The following PARVB variants were observed in gnomAD, a reference collection of about 807,000 sequenced individuals.
PARVB encodes the protein beta-parvin.
A neutral mutation model predicts 47.0 loss-of-function variants in PARVB; 46 were observed. The observed-to-expected ratio is 0.98, with a 90% confidence interval of 0.77 to 1.25. PARVB has a LOEUF of 1.25. Among genes scored for constraint, PARVB ranks in the 50% most tolerant of loss-of-function variants. The pLI is 0.00. For synonymous variants in PARVB, 196 were observed against 196.3 expected (o/e 1.00, Z 0.01); for missense variants, 473 against 471.6 (o/e 1.00, Z -0.03).
chr22:44,029,607 C>G (rs1355077817), intron 1 of PARVB, among the ~76,000 whole-genome samples: 1 of 151,918 alleles, frequency 6.6e-6, no homozygotes, highest in Non-Finnish European at 1.5e-5. Context: ...GAAACCCGGT[C>G]TCTACTAAAA....
intron 1 of PARVB, among the ~76,000 whole-genome samples, chr22:44,043,488 C>T (rs2146922572): frequency 6.6e-6 from 1 of 152,226 alleles, no homozygotes; most frequent in Non-Finnish European, 1.5e-5. Context: ...ACGCCATTCT[C>T]CTCCTTGGCC....
intron 1 of PARVB, chr22:44,069,057 G>A (rs1201032051): frequency 1.2e-5 from 18 of 1,521,088 alleles, no homozygotes; most frequent in Middle Eastern, 4.5e-4. Flanking sequence ...TCATAGTGGC[G>A]CCCCTGCCAC....
At chr22:44,121,614 T>G (rs2053049689) in intron 4 of PARVB, among the ~76,000 whole-genome samples, 1 of 152,124 alleles carries the variant, frequency 6.6e-6, no homozygotes, top group Admixed American at 6.5e-5. Flanking sequence ...TGATGAATTA[T>G]TTTATGTTCA....
At chr22:44,095,179 G>C (rs1425356134) in intron 2 of PARVB, among the ~76,000 whole-genome samples, 1 of 152,086 alleles carries the variant, frequency 6.6e-6, no homozygotes, top group African/African-American at 2.4e-5. Context: ...AATCTCTCCA[G>C]AGTCAGCAAG....
chr22:44,069,811 G>A lies in PARVB; in HGVS notation c.113-24117G>A, dbSNP rs1042131749. Among the ~76,000 whole-genome samples, 5 of 152,104 alleles carry A rather than the reference G, an allele frequency of 3.3e-5. No homozygotes were observed. The South Asian group carries it at 8.3e-4, about 25-fold the overall frequency. On this transcript the variant is annotated intron_variant, in intron 1 of 12. Transcript: ENST00000338758. ...CCCAAAATGCTGGGATTACAGGCAT[G>A]AGCCACCGCGCCCGGCCATGGGTTT...
intron 8 of PARVB, chr22:44,147,267 T>C: frequency 4.8e-6 from 1 of 208,600 alleles, no homozygotes; most frequent in Non-Finnish European, 1.0e-5. Flanking sequence ...ATTCTAAGCA[T>C]GATAAGAAGC....
chr22:44,161,275 A>G (rs1327298894), intron 11 of PARVB, among the ~76,000 whole-genome samples: 1 of 148,494 alleles, frequency 6.7e-6, no homozygotes, highest in Non-Finnish European at 1.5e-5. Context: ...TCCTGGTTCC[A>G]TGCCTGTGAG....
At chr22:44,021,065 G>A (rs2050641865), upstream of PARVB, among the ~76,000 whole-genome samples, 1 of 152,180 alleles carries the variant, frequency 6.6e-6, no homozygotes, top group Non-Finnish European at 1.5e-5. Flanking sequence ...TTATAGACGT[G>A]AGCCACCACG....
chr22:44,055,678 C>CTCTCTCTCTCTCTATATATATATATATA (rs1438284048), intron 1 of PARVB, among the ~76,000 whole-genome samples: 1 of 142,680 alleles, frequency 7.0e-6, no homozygotes, highest in African/African-American at 2.6e-5. Context: ...CTCTCTCTCT[C>CTCTCTCTCTCTCTATATATATATATATA]TATATATATA....
At chr22:44,167,701 GTCCCCAA>G (rs2054198950) in intron 12 of PARVB, among the ~76,000 whole-genome samples, 1 of 59,168 alleles carries the variant, frequency 1.7e-5, no homozygotes, top group Non-Finnish European at 4.1e-5. Context: ...CCCCGGGTGT[GTCCCCAA>G]GCCCGCCGAG....
chr22:44,117,753 G>A (rs1043915931), intron 3 of PARVB, among the ~76,000 whole-genome samples: 19 of 152,180 alleles, frequency 1.2e-4, no homozygotes, highest in Admixed American at 9.8e-4. Context: ...GGTATATTCT[G>A]GACTTGTGCC....
chr22:44,136,693 C>T (rs1020738594), intron 7 of PARVB, among the ~76,000 whole-genome samples, 175 bp downstream of exon 7: 3 of 152,234 alleles, frequency 2.0e-5, no homozygotes, highest in Non-Finnish European at 4.4e-5. Context: ...TCCCTCTGCA[C>T]ACTTTCTTCA....
intron 1 of PARVB, among the ~76,000 whole-genome samples, chr22:44,058,021 G>T (rs558991065): frequency 6.6e-6 from 1 of 152,110 alleles, no homozygotes; most frequent in African/African-American, 2.4e-5. Context: ...CCTGAACCTC[G>T]GTTGCCTCCC....
chr22:44,119,986 A>G (rs576158521), intron 4 of PARVB: 102 of 416,940 alleles, frequency 2.4e-4, no homozygotes, highest in African/African-American at 1.9e-3. Context: ...GTGGGTTCTC[A>G]CGATGCCTGG....
At chr22:44,079,462 G>T (rs367647378) in intron 1 of PARVB, among the ~76,000 whole-genome samples, 1 of 152,154 alleles carries the variant, frequency 6.6e-6, no homozygotes, top group Non-Finnish European at 1.5e-5. Flanking sequence ...GTCTGAAAAC[G>T]TCAAGCAGTT....
chr22:44,044,846 A>C (rs1169326608), intron 1 of PARVB, among the ~76,000 whole-genome samples: 2 of 152,234 alleles, frequency 1.3e-5, no homozygotes, highest in African/African-American at 4.8e-5. Flanking sequence ...ATATATTTCC[A>C]TAAAAACCCC....
In PARVB at chr22:44,015,499, CCAGA is replaced by C. The variant is rs373225611; in HGVS notation, c.211+15831_211+15834del. ...AAAGAAACGAACAACATGACACTGG[CCAGA>C]CAGAGAATCCATCTACATAATACAT... is the stretch of plus-strand genomic sequence containing the variant. On this transcript the variant is annotated intron_variant, in intron 2 of 13. Transcript: ENST00000406477. 2.6e-4 allele frequency among the ~76,000 whole-genome samples: 39 copies of C among 152,238 alleles called. No homozygotes were observed. The East Asian group carries it at 4.6e-3, about 18-fold the overall frequency.
In PARVB at chr22:44,080,963, C is replaced by G. The variant is rs531047946; in HGVS notation, c.113-12965C>G. 3.9e-5 allele frequency among the ~76,000 whole-genome samples: 6 copies of G among 152,238 alleles called. No individual in the cohort carries two copies. In the South Asian group the frequency reaches 1.2e-3, roughly 32 times the overall value. On this transcript the variant is annotated intron_variant, in intron 1 of 12. Coordinates refer to ENST00000338758, the MANE Select transcript of PARVB (RefSeq NM_013327.5). Reference sequence around the variant, plus strand: ...GAAAGGAGAGGAAGGGGAATGGATGCGGGGAGTGGGGAACCTGACCTGCTT... The same window carrying G: ...GAAAGGAGAGGAAGGGGAATGGATGGGGGGAGTGGGGAACCTGACCTGCTT...
At chr22:44,045,765 T>C (rs1252313879) in intron 1 of PARVB, among the ~76,000 whole-genome samples, 2 of 152,258 alleles carry the variant, frequency 1.3e-5, no homozygotes, top group Non-Finnish European at 2.9e-5. Context: ...CTTTCAATTC[T>C]ATTATGTTGA....
Sources: allele counts gnomAD v4.1 joint callset (sites outside exome capture counted in the v4.1 genomes callset), GRCh38; gene constraint gnomAD v4.1.1; transcripts MANE v1.5; gene names NCBI Gene and HGNC (gene_info 2026-07-23, HGNC 2026-07-21).